Variants in USP13 observed in about 807,000 individuals in gnomAD.
USP13 encodes the protein ubiquitin specific peptidase 13, also known as ubiquitin carboxyl-terminal hydrolase 13.
Under a neutral mutation model 107.8 loss-of-function variants are expected in USP13, and 68 were observed. That is an observed-to-expected ratio of 0.63 (90% confidence interval 0.52 to 0.77). The LOEUF is 0.77. Among genes scored for constraint, USP13 ranks in the 30% least tolerant of loss-of-function variants. The probability of loss-of-function intolerance (pLI) is 0.00; values close to 1 mark genes in which losing one functional copy is unlikely to be tolerated. For missense variants in USP13, 945 were observed against 1,093.3 expected, an observed-to-expected ratio of 0.86 and a Z score of 1.91; for synonymous variants, 377 against 389.5, an observed-to-expected ratio of 0.97 and a Z score of 0.38.
rs772995563 is a variant in USP13, at chr3:179,745,149, C to A, written c.1641C>A (p.Ala547=). The change falls in exon 13 of 21, where the codon GCC becomes GCA. Residue 547 remains alanine, a synonymous_variant. Coordinates refer to ENST00000263966, the MANE Select transcript of USP13 (RefSeq NM_003940.3). ...AKIPFSACLQ[A]FSEPENVDDF... is the part of the protein sequence containing the mutation. Reference sequence around the variant, plus strand: ...TACCATTTAGTGCCTGCCTTCAGGCCTTCTCTGAACCAGAAAATGTTGATG... The same window carrying A: ...TACCATTTAGTGCCTGCCTTCAGGCATTCTCTGAACCAGAAAATGTTGATG... The A allele has an allele frequency of 6.2e-7, 1 of 1,613,952 alleles. No individual in the cohort carries two copies. Among genetic ancestry groups the A allele is most frequent in the Non-Finnish European group, 8.5e-7 (1 of 1,180,026 alleles).
At chr3:179,763,201 CACAA>C (rs1329721725) in intron 17 of USP13, among the ~76,000 whole-genome samples, 2 of 152,142 alleles carry the variant, frequency 1.3e-5, no homozygotes, top group Non-Finnish European at 2.9e-5. Flanking sequence ...TCCTTTGAAG[CACAA>C]ACATTTTTAA....
At chr3:179,731,744 C>G (rs1334242258) in intron 10 of USP13, among the ~76,000 whole-genome samples, 1 of 152,158 alleles carries the variant, frequency 6.6e-6, no homozygotes, top group Non-Finnish European at 1.5e-5. Context: ...CTGTGTTTGG[C>G]ACCGTCCTCT....
In USP13 at chr3:179,757,774, T is replaced by C. The variant is rs573661270; in HGVS notation, c.1948+696T>C. Among the ~76,000 whole-genome samples, 28 of 152,346 alleles carry C rather than the reference T, an allele frequency of 1.8e-4. 1 individual carries two copies. The highest frequency in any genetic ancestry group is 6.7e-4 in the African/African-American group (28 of 41,576). On this transcript the variant is annotated intron_variant, in intron 16 of 20. Coordinates refer to ENST00000263966, the MANE Select transcript of USP13 (RefSeq NM_003940.3). Reference sequence around the variant, plus strand: ...CTTACACATTGCGAATGATTGATCATGTAGCTTAGACCTCTATGTCTCCTT... The same window carrying C: ...CTTACACATTGCGAATGATTGATCACGTAGCTTAGACCTCTATGTCTCCTT...
chr3:179,763,953 A>C (rs1446881138), intron 17 of USP13, 49 bp from the exon 18 acceptor site: 3 of 908,556 alleles, frequency 3.3e-6, no homozygotes, highest in Admixed American at 4.2e-5. Context: ...TTCAGGACAA[A>C]AAAAAAAAAA....
At chr3:179,747,303 A>G (rs1714444719) in intron 13 of USP13, among the ~76,000 whole-genome samples, 1 of 152,228 alleles carries the variant, frequency 6.6e-6, no homozygotes, top group Non-Finnish European at 1.5e-5. Flanking sequence ...AAAATCATTG[A>G]CAGTAGGTTT....
At chr3:179,775,977 G>C (rs1236021657) in intron 19 of USP13, among the ~76,000 whole-genome samples, 1 of 152,220 alleles carries the variant, frequency 6.6e-6, no homozygotes, top group East Asian at 1.9e-4. Context: ...CGTGGCCAGA[G>C]CAGATGTCAC....
intron 6 of USP13, among the ~76,000 whole-genome samples, chr3:179,711,240 A>G (rs138371106): frequency 2.6e-4 from 40 of 152,236 alleles, no homozygotes; most frequent in African/African-American, 8.9e-4. Flanking sequence ...GTTTTTTGAG[A>G]CAGAGTCTCA....
chr3:179,764,183 CTGTGTGTGTGTGTGTGTG>C lies in USP13; in HGVS notation c.2259+30_2259+47del. The stretch of plus-strand genomic sequence containing the variant: ...TACGAGCAACGGTGAGCATGAGAGA[CTGTGTGTGTGTGTGTGTG>C]TGTGTGTGTGTGTGAATTTATTTCT... On this transcript the variant is annotated intron_variant, in intron 18 of 20. Coordinates refer to ENST00000263966, the MANE Select transcript of USP13 (RefSeq NM_003940.3). 5 of 1,447,186 alleles carry C rather than the reference CTGTGTGTGTGTGTGTGTG, an allele frequency of 3.5e-6. No individual in the cohort carries two copies. In the African/African-American group the frequency reaches 4.3e-5, roughly 13 times the overall value. 89.6% of individuals were successfully genotyped at this position (1,447,186 alleles called of 1,614,324 possible).
Position 179,682,415 on chromosome 3 carries a change from C to T in USP13, c.294+412C>T, listed in dbSNP as rs374322668. Reference sequence around the variant, plus strand: ...CTTAAAAATTCAAGTTCCTTTTGTCCCTCTCCCTCGCCAGAAGTAACCACT... The same window carrying T: ...CTTAAAAATTCAAGTTCCTTTTGTCTCTCTCCCTCGCCAGAAGTAACCACT... On this transcript the variant is annotated intron_variant, in intron 2 of 20. Transcript: ENST00000263966. 2.1e-4 allele frequency among the ~76,000 whole-genome samples: 32 copies of T among 151,572 alleles called. No individual in the cohort carries two copies. The East Asian group carries it at 4.8e-3, about 23-fold the overall frequency.
chr3:179,742,235 T>C lies in USP13; in HGVS notation c.1419T>C (p.Phe473=). The C allele has an allele frequency of 6.2e-7, 1 of 1,614,230 alleles. No homozygotes were observed. The change falls in exon 12 of 21, where the codon TTT becomes TTC. Residue 473 remains phenylalanine, a synonymous_variant. Transcript: ENST00000263966. The surrounding 1 kb of genome is among the most constrained non-coding windows in gnomAD (Gnocchi z 5.0). ...GCTCAGAAAACCCAAGCGATGTTTT[T>C]CGTTTTTTGGTGGAAGAACGCATTC... ...RIGSENPSDV[F]RFLVEERIQC... is the part of the protein sequence containing the mutation.
chr3:179,715,665 G>A (rs1257920331), intron 6 of USP13, among the ~76,000 whole-genome samples: 2 of 151,486 alleles, frequency 1.3e-5, no homozygotes, highest in East Asian at 2.0e-4. Flanking sequence ...GCCCGGCCTT[G>A]TGTTTATTTT....
At position 179,740,305 on chromosome 3, in the gene USP13, C is replaced by T. The variant is rs776225594; in HGVS notation, c.1313C>T (p.Pro438Leu). The part of the protein sequence containing the change: ...MFKAFVSKSH[P>L]EFSSNRQQDA... ...AAGGCCTTTGTAAGCAAGAGCCACCCGGAATTCTCCTCTAACAGGCAGCAA... is the reference window on the plus strand; with the variant it reads ...AAGGCCTTTGTAAGCAAGAGCCACCTGGAATTCTCCTCTAACAGGCAGCAA... The change falls in exon 11 of 21, where the codon CCG (proline) becomes CTG (leucine). Residue 438 changes from proline to leucine, a missense_variant. Pro to Leu is a moderately conservative substitution (Grantham distance 98). Transcript: ENST00000263966. 1.7e-5 allele frequency: 28 copies of T among 1,613,982 alleles called. No homozygotes were observed. Among genetic ancestry groups the T allele is most frequent in the Middle Eastern group, 1.6e-4 (1 of 6,084 alleles).
intron 15 of USP13, among the ~76,000 whole-genome samples, chr3:179,755,382 C>T (rs1714754366): frequency 6.6e-6 from 1 of 152,058 alleles, no homozygotes; most frequent in African/African-American, 2.4e-5. Context: ...GCAACCTCCA[C>T]CTCCTGGGTT....
chr3:179,751,988 C>G (rs1051170213), intron 13 of USP13, among the ~76,000 whole-genome samples: 22 of 152,176 alleles, frequency 1.4e-4, no homozygotes, highest in African/African-American at 5.1e-4. Context: ...GGTGATCTGC[C>G]CACCTCGGCC....
At chr3:179,664,992 G>T (rs994830447) in intron 1 of USP13, among the ~76,000 whole-genome samples, 2 of 152,136 alleles carry the variant, frequency 1.3e-5, no homozygotes, top group Admixed American at 6.6e-5. Flanking sequence ...GGAGGCTGAG[G>T]CAGGAGAATC....
At chr3:179,757,634 C>T (rs1021470731) in intron 16 of USP13, among the ~76,000 whole-genome samples, 1 of 152,090 alleles carries the variant, frequency 6.6e-6, no homozygotes, top group Admixed American at 6.5e-5. Flanking sequence ...AAACGATAGA[C>T]AATATTTAGA....
chr3:179,658,308 T>C (rs940562456), intron 1 of USP13, among the ~76,000 whole-genome samples: 3 of 152,208 alleles, frequency 2.0e-5, no homozygotes, highest in African/African-American at 4.8e-5. Context: ...GTCTGGGCTC[T>C]CTCTCAACCT....
At chr3:179,656,743 C>G (rs1720273923) in intron 1 of USP13, among the ~76,000 whole-genome samples, 2 of 152,180 alleles carry the variant, frequency 1.3e-5, no homozygotes, top group Admixed American at 1.3e-4. Context: ...CCACCAGACC[C>G]CATAAGCATT....
chr3:179,713,696 C>A (rs1019608508), intron 6 of USP13, among the ~76,000 whole-genome samples: 1 of 151,952 alleles, frequency 6.6e-6, no homozygotes, highest in Non-Finnish European at 1.5e-5. Context: ...TGTTTATGTC[C>A]GCTTGACCAG....
Sources: allele counts gnomAD v4.1 joint callset (sites outside exome capture counted in the v4.1 genomes callset), GRCh38; gene constraint gnomAD v4.1.1; non-coding constraint Gnocchi (gnomAD v3.1); transcripts MANE v1.5; gene names NCBI Gene and HGNC (gene_info 2026-07-23, HGNC 2026-07-21).